The following KNSTRN variants were observed in gnomAD, a reference collection of about 807,000 sequenced individuals.
KNSTRN encodes small kinetochore-associated protein.
A neutral mutation model predicts 44.7 loss-of-function variants in KNSTRN; 38 were observed. That is an observed-to-expected ratio of 0.85 (90% CI 0.66 to 1.11). KNSTRN has a LOEUF of 1.11. Among genes scored for constraint, KNSTRN ranks in the 50% most tolerant of loss-of-function variants. The probability of loss-of-function intolerance (pLI) is 0.00; values close to 1 mark genes in which losing one functional copy is unlikely to be tolerated. For missense variants in KNSTRN, 406 were observed against 375.8 expected (o/e 1.08, Z -0.66); for synonymous variants, 158 against 148.1 (o/e 1.07, Z -0.48).
chr15:40,386,404 G>C lies in KNSTRN; in HGVS notation c.347G>C (p.Arg116Thr). The C allele has an allele frequency of 6.2e-7, 1 of 1,614,072 alleles. No individual in the cohort carries two copies. Among genetic ancestry groups the C allele is most frequent in the South Asian group, 1.1e-5 (1 of 91,078 alleles). The change falls in exon 3 of 9, where the codon AGG becomes ACG. Residue 116 changes from arginine to threonine, a missense_variant. By Grantham distance (71) the Arg-to-Thr change is moderately conservative. Coordinates refer to ENST00000249776, the MANE Select transcript of KNSTRN (RefSeq NM_033286.4). ...ACTTCTAAGAGTCTCTTACCTGTTAGGTCCAAAGAAGTCGATGTTTCCAAA... is the reference window on the plus strand; with the variant it reads ...ACTTCTAAGAGTCTCTTACCTGTTACGTCCAAAGAAGTCGATGTTTCCAAA... ...RATSKSLLPV[R>T]SKEVDVSKQL...
intron 8 of KNSTRN, 68 bp from the exon 9 acceptor site, chr15:40,393,401 A>G (rs1018646586): frequency 2.4e-5 from 39 of 1,595,856 alleles, no homozygotes; most frequent in Admixed American, 1.9e-4. Flanking sequence ...TGATGTGGGA[A>G]TTGTGTTTCC....
Position 40,382,939 on chromosome 15 carries a change from T to C in KNSTRN, c.104T>C (p.Leu35Pro). ...CTTCCGCCTAGCTACCGGAAGTTTC[T>C]ATTTGAAACCCAGGCGGCCGACTTA... The part of the protein sequence containing the change: ...HPLPPSYRKF[L>P]FETQAADLAG... Residue 35 changes from leucine (L) to proline (P), a missense_variant, in exon 1 of 9, where the codon CTA becomes CCA. By Grantham distance (98) the Leu-to-Pro change is moderately conservative. Transcript: ENST00000249776. The C allele has an allele frequency of 6.2e-7, 1 of 1,612,322 alleles. No homozygotes were observed. Among genetic ancestry groups the C allele is most frequent in the Non-Finnish European group, 8.5e-7 (1 of 1,180,026 alleles).
rs190649385 is a variant in KNSTRN at position 40,393,136 on chromosome 15, A to G, written c.823-333A>G. 1.1e-5 allele frequency: 18 copies of G among 1,577,552 alleles called. No individual in the cohort carries two copies. The East Asian group carries it at 3.6e-4, about 31-fold the overall frequency. Reference sequence around the variant, plus strand: ...ATGTAATCCATTCTATGGAAACTTGATAACTCAAGGAGAAGACCTGTAGTA... The same window carrying G: ...ATGTAATCCATTCTATGGAAACTTGGTAACTCAAGGAGAAGACCTGTAGTA... On this transcript the variant is annotated intron_variant, in intron 8 of 8. Transcript: ENST00000249776.
At chr15:40,383,526 C>G in intron 2 of KNSTRN, 1 of 561,964 alleles carries the variant, frequency 1.8e-6, no homozygotes, top group Non-Finnish European at 3.2e-6. Flanking sequence ...GTGCTCTGCA[C>G]TTTTCTGCCC....
rs1448560413 is a variant in KNSTRN, at chr15:40,383,260, G to A, written c.242G>A (p.Ser81Asn). Residue 81 changes from serine (S) to asparagine (N), a missense_variant, in exon 2 of 9, where the codon AGT (serine) becomes AAT (asparagine). By Grantham distance (46) the Ser-to-Asn change is conservative. Coordinates refer to ENST00000249776, the MANE Select transcript of KNSTRN (RefSeq NM_033286.4). The stretch of plus-strand genomic sequence containing the variant: ...CCGTGCCGCCTCGTTACGATGACCA[G>A]TGTGGTTAAGACAGTGTATAGCCTG... The part of the protein sequence containing the change: ...VQPCRLVTMT[S>N]VVKTVYSLQP... 6.2e-7 allele frequency: 1 copy of A among 1,614,156 alleles called. No homozygotes were observed. Among genetic ancestry groups the A allele is most frequent in the Non-Finnish European group, 8.5e-7 (1 of 1,180,004 alleles).
chr15:40,388,634 G>A (rs972663892), intron 4 of KNSTRN, among the ~76,000 whole-genome samples: 3 of 151,852 alleles, frequency 2.0e-5, no homozygotes, highest in African/African-American at 2.4e-5. Context: ...GGTGGAGCTT[G>A]CAGTGAGCCG....
chr15:40,384,553 G>T, intron 2 of KNSTRN: 1 of 452,362 alleles, frequency 2.2e-6, no homozygotes, highest in Non-Finnish European at 4.4e-6. Flanking sequence ...CCTTAGATGC[G>T]GTGCCCCTGA....
At chr15:40,391,907 T>A in intron 7 of KNSTRN, 42 bp from the exon 8 acceptor site, 1 of 1,512,770 alleles carries the variant, frequency 6.6e-7, no homozygotes, top group Non-Finnish European at 9.1e-7. Context: ...CAAGTCTGGT[T>A]TTATATGAAG....
At chr15:40,387,462 G>A (rs1357263057) in intron 4 of KNSTRN, among the ~76,000 whole-genome samples, 1 of 152,186 alleles carries the variant, frequency 6.6e-6, no homozygotes, top group Non-Finnish European at 1.5e-5. Context: ...ACTGCTGATT[G>A]GAAATCACAC....
intron 6 of KNSTRN, among the ~76,000 whole-genome samples, chr15:40,390,684 G>A (rs1031358953): frequency 6.6e-6 from 1 of 151,386 alleles, no homozygotes; most frequent in Non-Finnish European, 1.5e-5. Flanking sequence ...GTGTGATTTC[G>A]GCTCACTGAA....
rs987512225 is a variant in KNSTRN, at chr15:40,382,817, A to G, written c.-19A>G. On this transcript the variant is annotated 5_prime_UTR_variant, in exon 1 of 9. Coordinates refer to ENST00000249776, the MANE Select transcript of KNSTRN (RefSeq NM_033286.4). ...TCGCTAGGTCTGGCTCTGGCCTCTGAGCGAACCTTCCGTACAGTATGGCGG... is the reference window on the plus strand; with the variant it reads ...TCGCTAGGTCTGGCTCTGGCCTCTGGGCGAACCTTCCGTACAGTATGGCGG... 1.2e-6 allele frequency: 2 copies of G among 1,606,446 alleles called. No individual in the cohort carries two copies.
At chr15:40,384,337 G>C (rs1276872264) in intron 2 of KNSTRN, 1 of 381,070 alleles carries the variant, frequency 2.6e-6, no homozygotes, top group Non-Finnish European at 5.3e-6. Context: ...TTGCGCCACT[G>C]CACTCCAGCC....
rs544578212 is a variant in KNSTRN at position 40,394,092 on chromosome 15, G to A, written c.*495G>A. ...CTTCTGTACCTCCTTATTAATTTAT[G>A]AACCTGAAGTTGCTTGAAGTGTTTT... On this transcript the variant is annotated 3_prime_UTR_variant, in exon 9 of 9. Transcript: ENST00000249776. The A allele has an allele frequency of 2.0e-5, 3 of 152,862 alleles. No homozygotes were observed. The highest frequency in any genetic ancestry group is 4.4e-5 in the Non-Finnish European group (3 of 68,516). 9.5% of individuals were successfully genotyped at this position (152,862 alleles called of 1,614,324 possible). A position where few individuals can be genotyped will look rare whatever the true frequency, so the allele number is the denominator to read the frequency against.
chr15:40,389,283 G>T, intron 4 of KNSTRN: 1 of 504,584 alleles, frequency 2.0e-6, no homozygotes, highest in Non-Finnish European at 3.7e-6. Flanking sequence ...CAAATACCTG[G>T]GATTACAGGC....
chr15:40,393,204 G>A, intron 8 of KNSTRN: 1 of 1,613,858 alleles, frequency 6.2e-7, no homozygotes, highest in South Asian at 1.1e-5. Flanking sequence ...TTGCTTGGAT[G>A]AATCATGGGA....
chr15:40,390,542 G>GGCCC (rs1889980452), intron 6 of KNSTRN, among the ~76,000 whole-genome samples: 3 of 152,186 alleles, frequency 2.0e-5, no homozygotes, highest in South Asian at 4.1e-4. Context: ...CCAGGAAAGG[G>GGCCC]GCCCAGGCCT....
In KNSTRN at chr15:40,382,929, C is replaced by T. The variant is rs756778297; in HGVS notation, c.94C>T (p.Arg32Trp). The change falls in exon 1 of 9, where the codon CGG becomes TGG. Residue 32 changes from arginine to tryptophan, a missense_variant. Transcript: ENST00000249776. ...TTCCCACCCACTTCCGCCTAGCTAC[C>T]GGAAGTTTCTATTTGAAACCCAGGC... ...CDSHPLPPSY[R>W]KFLFETQAAD... The T allele has an allele frequency of 1.2e-6, 2 of 1,612,332 alleles. No homozygotes were observed. Among genetic ancestry groups the T allele is most frequent in the Non-Finnish European group, 1.7e-6 (2 of 1,180,038 alleles).
chr15:40,392,574 C>T (rs113224311), intron 8 of KNSTRN, among the ~76,000 whole-genome samples: 2,705 of 152,254 alleles, frequency 0.018, 83 homozygotes, highest in African/African-American at 0.062. Flanking sequence ...TACCTGTAGT[C>T]CCAGCTGCTC....
chr15:40,390,190 G>A (rs1320244302), intron 6 of KNSTRN, among the ~76,000 whole-genome samples: 1 of 152,214 alleles, frequency 6.6e-6, no homozygotes, highest in Non-Finnish European at 1.5e-5. Context: ...GTGCCAACAG[G>A]TATGACCTTG....
Sources: allele counts gnomAD v4.1 joint callset (sites outside exome capture counted in the v4.1 genomes callset), GRCh38; gene constraint gnomAD v4.1.1; transcripts MANE v1.5; gene names NCBI Gene and HGNC (gene_info 2026-07-23, HGNC 2026-07-21).